Variants in C10orf71 observed in about 807,000 individuals in gnomAD.
C10orf71 encodes the protein chromosome 10 open reading frame 71, also known as cardiac-enriched FHL2-interacting protein.
For synonymous variants in C10orf71, 758 were observed against 726.3 expected, an observed-to-expected ratio of 1.04 and a Z score of -0.70; for missense variants, 1,869 against 1,804.5, an observed-to-expected ratio of 1.04 and a Z score of -0.65.
In C10orf71 at chr10:49,326,569, C is replaced by T; in HGVS notation, c.4024C>T (p.Pro1342Ser). The change falls in exon 3 of 3, where the codon CCC becomes TCC. Residue 1342 changes from proline to serine, a missense_variant. Physicochemically the swap from Pro to Ser is moderately conservative, Grantham distance 74 (BLOSUM62 -1). Coordinates refer to ENST00000374144, the MANE Select transcript of C10orf71 (RefSeq NM_001135196.2). Reference sequence around the variant, plus strand: ...GCTGTACCCCGGCTTCCAGCCAGTGCCCGTGACGGCCTTGATGCCGCTGCG... The same window carrying T: ...GCTGTACCCCGGCTTCCAGCCAGTGTCCGTGACGGCCTTGATGCCGCTGCG... ...YVLYPGFQPVPVTALMPLRCS... is the reference protein window; with the variant it reads ...YVLYPGFQPVSVTALMPLRCS... 1 of 1,550,668 alleles carries T rather than the reference C, an allele frequency of 6.4e-7. No individual in the cohort carries two copies. The highest frequency in any genetic ancestry group is 8.7e-7 in the Non-Finnish European group (1 of 1,146,868).
At chr10:49,306,595 T>TAACA (rs1848817478) in intron 1 of C10orf71, among the ~76,000 whole-genome samples, 1 of 152,232 alleles carries the variant, frequency 6.6e-6, no homozygotes, top group South Asian at 2.1e-4. Flanking sequence ...CCTGATTCTC[T>TAACA]AACAGCAGTT....
chr10:49,326,090 G>A lies in C10orf71; in HGVS notation c.3545G>A (p.Arg1182Gln), dbSNP rs199675562. ...AVPPKTEKALRRAKKLASKRR... is the reference protein window; with the variant it reads ...AVPPKTEKALQRAKKLASKRR... ...CCACCCAAAACAGAGAAAGCCCTGCGGCGGGCAAAGAAGCTGGCAAGTAAG... is the reference window on the plus strand; with the variant it reads ...CCACCCAAAACAGAGAAAGCCCTGCAGCGGGCAAAGAAGCTGGCAAGTAAG... Residue 1182 changes from arginine to glutamine, a missense_variant, in exon 3 of 3, where the codon CGG becomes CAG. Physicochemically the swap from Arg to Gln is conservative, Grantham distance 43 (BLOSUM62 1). Transcript: ENST00000374144. 3.1e-4 allele frequency: 483 copies of A among 1,551,574 alleles called. 5 individuals are homozygous for A. Among genetic ancestry groups the A allele is most frequent in the Admixed American group, 2.5e-4 (13 of 50,984 alleles).
chr10:49,326,039 G>A lies in C10orf71; in HGVS notation c.3494G>A (p.Arg1165Lys), dbSNP rs1375251330. Reference protein sequence around the residue: ...GRLELPAQLERTASKPPAVPP... With the variant: ...GRLELPAQLEKTASKPPAVPP... The stretch of plus-strand genomic sequence containing the variant: ...CTTGAGCTTCCTGCACAGCTAGAGA[G>A]GACAGCAAGCAAGCCACCTGCAGTC... The change falls in exon 3 of 3, where the codon AGG (arginine) becomes AAG (lysine). Residue 1165 changes from arginine (R) to lysine (K), a missense_variant. By Grantham distance (26) the Arg-to-Lys change is conservative. Coordinates refer to ENST00000374144, the MANE Select transcript of C10orf71 (RefSeq NM_001135196.2). 1.3e-6 allele frequency: 2 copies of A among 1,551,702 alleles called. No individual in the cohort carries two copies. Among genetic ancestry groups the A allele is most frequent in the Non-Finnish European group, 1.7e-6 (2 of 1,146,986 alleles).
chr10:49,304,305 G>T (rs987650184), intron 1 of C10orf71, among the ~76,000 whole-genome samples: 1 of 152,198 alleles, frequency 6.6e-6, no homozygotes, highest in Non-Finnish European at 1.5e-5. Flanking sequence ...TCCTGGCTCT[G>T]TTGCTCTCTG....
rs1849175321 is a variant in C10orf71 at position 49,324,457 on chromosome 10, G to GAACACCGCCCCAGGA, written c.1919_1933dup (p.Arg640_His644dup). The stretch of plus-strand genomic sequence containing the variant: ...ATCCAGCTGGTGTCCAGACTCCAGG[G>GAACACCGCCCCAGGA]AACACCGCCCCAGGAAACACCTCTC... On this transcript the variant is annotated inframe_insertion, in exon 3 of 3. Transcript: ENST00000374144. The GAACACCGCCCCAGGA allele has an allele frequency of 6.2e-7, 1 of 1,607,278 alleles. No individual in the cohort carries two copies. The highest frequency in any genetic ancestry group is 8.5e-7 in the Non-Finnish European group (1 of 1,176,598).
At position 49,323,064 on chromosome 10, in the gene C10orf71, T is replaced by C; in HGVS notation, c.519T>C (p.Pro173=). The C allele has an allele frequency of 6.2e-7, 1 of 1,613,986 alleles. No homozygotes were observed. The highest frequency in any genetic ancestry group is 8.5e-7 in the Non-Finnish European group (1 of 1,179,888). Residue 173 remains proline (P), a synonymous_variant, in exon 3 of 3, where the codon CCT becomes CCC. Transcript: ENST00000374144. ...TASKPPALKN[P]PKFAPLPENS... The stretch of plus-strand genomic sequence containing the variant: ...GCAAGCCTCCGGCTCTGAAAAATCC[T>C]CCCAAATTCGCTCCTCTTCCAGAAA...
chr10:49,324,288 T>A lies in C10orf71; in HGVS notation c.1743T>A (p.Ser581Arg). 2 of 1,613,892 alleles carry A rather than the reference T, an allele frequency of 1.2e-6. No individual in the cohort carries two copies. Among genetic ancestry groups the A allele is most frequent in the South Asian group, 2.2e-5 (2 of 91,066 alleles). ...AGAAGGACCCTACAGCTGACCCCAG[T>A]GAGCCCTCTGCAGACAGCTATCTAA... The part of the protein sequence containing the change: ...NPQKDPTADP[S>R]EPSADSYLTL... Residue 581 changes from serine to arginine, a missense_variant, in exon 3 of 3, where the codon AGT (serine) becomes AGA (arginine). By Grantham distance (110) the Ser-to-Arg change is moderately radical. Transcript: ENST00000374144.
At chr10:49,303,073 T>G (rs1385591864) in intron 1 of C10orf71, among the ~76,000 whole-genome samples, 3 of 152,172 alleles carry the variant, frequency 2.0e-5, no homozygotes, top group Non-Finnish European at 4.4e-5. Flanking sequence ...TATTTAGAGA[T>G]TTTTTTCTTC....
rs774714742 is a variant in C10orf71, at chr10:49,325,120, G to A, written c.2575G>A (p.Asp859Asn). 72 of 1,551,920 alleles carry A rather than the reference G, an allele frequency of 4.6e-5. No individual in the cohort carries two copies. The highest frequency in any genetic ancestry group is 6.3e-5 in the Non-Finnish European group (72 of 1,147,078). Residue 859 changes from aspartate (D) to asparagine (N), a missense_variant, in exon 3 of 3, where the codon GAC becomes AAC. Asp to Asn is a conservative substitution (Grantham distance 23, BLOSUM62 1). Coordinates refer to ENST00000374144, the MANE Select transcript of C10orf71 (RefSeq NM_001135196.2). The part of the protein sequence containing the change: ...SNRHMLFTIK[D>N]NTLRATPVIK... ...CAGGCACATGCTGTTTACGATTAAA[G>A]ACAACACCCTCAGAGCTACCCCCGT...
At chr10:49,302,088 C>T (rs1437809480) in intron 1 of C10orf71, among the ~76,000 whole-genome samples, 2 of 152,170 alleles carry the variant, frequency 1.3e-5, no homozygotes, top group Non-Finnish European at 2.9e-5. Context: ...AAGCCTTCAC[C>T]TGAAGCTTGA....
Position 49,325,099 on chromosome 10 carries a change from C to T in C10orf71, c.2554C>T (p.His852Tyr). 1 of 1,552,000 alleles carries T rather than the reference C, an allele frequency of 6.4e-7. No homozygotes were observed. Among genetic ancestry groups the T allele is most frequent in the Non-Finnish European group, 8.7e-7 (1 of 1,147,074 alleles). Residue 852 changes from histidine to tyrosine, a missense_variant, in exon 3 of 3, where the codon CAC becomes TAC. By Grantham distance (83) the His-to-Tyr change is moderately conservative (BLOSUM62 2). Transcript: ENST00000374144. The part of the protein sequence containing the change: ...TPSPSSASNR[H>Y]MLFTIKDNTL... ...CTCACCATCTTCTGCTTCAAACAGG[C>T]ACATGCTGTTTACGATTAAAGACAA...
At position 49,323,702 on chromosome 10, in the gene C10orf71, C is replaced by T; in HGVS notation, c.1157C>T (p.Thr386Ile). The change falls in exon 3 of 3, where the codon ACT becomes ATT. Residue 386 changes from threonine to isoleucine, a missense_variant. Physicochemically the swap from Thr to Ile is moderately conservative, Grantham distance 89. Transcript: ENST00000374144. ...CAGCCCCCATGGAGGAAGCCAAAGA[C>T]TGGCAAAAAAGGGAAAGAAAGTCTA... Reference protein sequence around the residue: ...PAQPPWRKPKTGKKGKESLQD... With the variant: ...PAQPPWRKPKIGKKGKESLQD... 6.2e-7 allele frequency: 1 copy of T among 1,613,786 alleles called. No individual in the cohort carries two copies. Among genetic ancestry groups the T allele is most frequent in the Non-Finnish European group, 8.5e-7 (1 of 1,179,822 alleles).
rs749563469 is a variant in C10orf71 at position 49,324,703 on chromosome 10, C to T, written c.2158C>T (p.Pro720Ser). Reference protein sequence around the residue: ...FYSDSQSDFMPSLKGKAKFST... With the variant: ...FYSDSQSDFMSSLKGKAKFST... ...CAGTGACAGCCAATCCGATTTTATG[C>T]CAAGCCTCAAAGGTAAGGCCAAATT... Residue 720 changes from proline to serine, a missense_variant, in exon 3 of 3, where the codon CCA (proline) becomes TCA (serine). Physicochemically the swap from Pro to Ser is moderately conservative, Grantham distance 74. Transcript: ENST00000374144. The T allele has an allele frequency of 7.5e-6, 12 of 1,602,648 alleles. No individual in the cohort carries two copies. Among genetic ancestry groups the T allele is most frequent in the African/African-American group, 5.4e-5 (4 of 74,708 alleles).
chr10:49,315,990 A>G (rs1010037202), intron 1 of C10orf71, among the ~76,000 whole-genome samples, 155 bp from the exon 2 acceptor site: 1 of 152,196 alleles, frequency 6.6e-6, no homozygotes, highest in Non-Finnish European at 1.5e-5. Flanking sequence ...CAGGAGGCAG[A>G]TGTTGCAATG....
At chr10:49,314,481 A>G (rs1393198111) in intron 1 of C10orf71, among the ~76,000 whole-genome samples, 1 of 152,236 alleles carries the variant, frequency 6.6e-6, no homozygotes, top group East Asian at 1.9e-4. Flanking sequence ...AATGGTTCAA[A>G]GTGGTAAGCA....
chr10:49,319,078 C>G (rs112373208), intron 2 of C10orf71, among the ~76,000 whole-genome samples: 1 of 152,220 alleles, frequency 6.6e-6, no homozygotes, highest in Non-Finnish European at 1.5e-5. Flanking sequence ...GCCAGCTGAA[C>G]ACTTAACAGC....
At chr10:49,307,124 A>G (rs1326082586) in intron 1 of C10orf71, among the ~76,000 whole-genome samples, 1 of 152,172 alleles carries the variant, frequency 6.6e-6, no homozygotes, top group African/African-American at 2.4e-5. Flanking sequence ...TCCCTTCCAG[A>G]TCTTTCCTGC....
At chr10:49,300,103 C>T (rs1848700709) in intron 1 of C10orf71, among the ~76,000 whole-genome samples, 1 of 152,140 alleles carries the variant, frequency 6.6e-6, no homozygotes, top group Non-Finnish European at 1.5e-5. Context: ...AGCTAGATAG[C>T]CTTAAGAAAA....
chr10:49,312,809 A>G (rs547314552), intron 1 of C10orf71, among the ~76,000 whole-genome samples: 28 of 152,292 alleles, frequency 1.8e-4, no homozygotes, highest in African/African-American at 6.3e-4. Flanking sequence ...AATTTTACAT[A>G]TTTGAGGGGT....
Sources: gnomAD v4.1 joint callset for allele counts (sites outside exome capture counted in the v4.1 genomes callset) on GRCh38, gnomAD v4.1.1 for gene constraint, MANE v1.5 for transcripts, NCBI Gene and HGNC (gene_info 2026-07-23, HGNC 2026-07-21) for gene names.